Variants in DAW1 observed in about 807,000 individuals in gnomAD.
DAW1 encodes dynein assembly factor with WD repeats 1, also known as dynein assembly factor with WD repeat domains 1.
Under a neutral mutation model 56.5 loss-of-function variants are expected in DAW1, and 47 were observed. The ratio of observed to expected loss-of-function variants is 0.83; its 90% CI spans 0.66 to 1.06. The LOEUF is 1.06. Among genes scored for constraint, DAW1 ranks in the 50% least tolerant of loss-of-function variants. The pLI is 0.00. For synonymous variants in DAW1, 190 were observed against 179.0 expected (o/e 1.06, Z -0.49); for missense variants, 505 against 499.3 (o/e 1.01, Z -0.11).
intron 10 of DAW1, 121 bp downstream of exon 10, chr2:227,907,373 C>T: frequency 1.3e-6 from 1 of 746,026 alleles, no homozygotes; most frequent in Non-Finnish European, 2.2e-6. Context: ...AACCATGTCT[C>T]ATCTCTATCG....
chr2:227,914,534 C>T (rs1299933530), intron 10 of DAW1, among the ~76,000 whole-genome samples: 3 of 151,942 alleles, frequency 2.0e-5, no homozygotes, highest in African/African-American at 7.2e-5. Flanking sequence ...CTTTGGAAAC[C>T]ATGTATGATG....
chr2:227,924,027 T>A lies in DAW1; in HGVS notation c.*59T>A, dbSNP rs1194487826. The A allele has an allele frequency of 3.2e-6, 5 of 1,585,110 alleles. No homozygotes were observed. In the African/African-American group the frequency reaches 6.7e-5, roughly 21 times the overall value. ...GCAATGGTAATCAAGAACTGGAACT[T>A]CACAGACAGCAGCTCTCTTAATATT... On this transcript the variant is annotated 3_prime_UTR_variant, in exon 13 of 13. Transcript: ENST00000309931.
chr2:227,892,251 G>T (rs1691282707), intron 4 of DAW1, among the ~76,000 whole-genome samples: 1 of 152,000 alleles, frequency 6.6e-6, no homozygotes, highest in African/African-American at 2.4e-5. Context: ...TCCTGCCTCA[G>T]CCTCCTGAGT....
At chr2:227,889,242 A>G (rs1462496781) in intron 2 of DAW1, among the ~76,000 whole-genome samples, 1 of 152,206 alleles carries the variant, frequency 6.6e-6, no homozygotes, top group Non-Finnish European at 1.5e-5. Flanking sequence ...CCATAAAAAG[A>G]AAGACCTGAA....
intron 10 of DAW1, among the ~76,000 whole-genome samples, chr2:227,911,752 A>G (rs1470670246): frequency 1.3e-5 from 2 of 152,144 alleles, no homozygotes; most frequent in Non-Finnish European, 2.9e-5. Flanking sequence ...TGCCTTGATA[A>G]CCACATGTAC....
intron 7 of DAW1, 89 bp from the exon 8 acceptor site, chr2:227,904,840 C>T: frequency 1.6e-6 from 2 of 1,282,638 alleles, no homozygotes; most frequent in Non-Finnish European, 2.2e-6. Flanking sequence ...TCGGCCTTCT[C>T]CAGCATTTCC....
chr2:227,901,986 A>C (rs775004861), intron 6 of DAW1, among the ~76,000 whole-genome samples: 20 of 152,176 alleles, frequency 1.3e-4, no homozygotes, highest in Non-Finnish European at 2.9e-4. Context: ...AAGTAAGATC[A>C]GGAAGTTCCT....
At chr2:227,889,788 T>C in intron 2 of DAW1, 68 bp from the exon 3 acceptor site, 1 of 1,306,970 alleles carries the variant, frequency 7.7e-7, no homozygotes, top group Non-Finnish European at 1.0e-6. Flanking sequence ...AATCAATTCT[T>C]CATGTAATAT....
intron 10 of DAW1, chr2:227,912,582 G>C: frequency 1.7e-6 from 2 of 1,189,566 alleles, no homozygotes; most frequent in African/African-American, 3.2e-5. Flanking sequence ...CTTTGTGTTT[G>C]TCATCTCAGT....
intron 8 of DAW1, 131 bp downstream of exon 8, chr2:227,905,166 T>G (rs2059962231): frequency 1.8e-6 from 1 of 570,196 alleles, no homozygotes; most frequent in Admixed American, 3.7e-5. Context: ...ATATTGAAAA[T>G]GTAAATTAAT....
At chr2:227,922,949 C>T (rs1220480648) in intron 12 of DAW1, among the ~76,000 whole-genome samples, 1 of 152,194 alleles carries the variant, frequency 6.6e-6, no homozygotes, top group African/African-American at 2.4e-5. Flanking sequence ...ACCAGCCTTT[C>T]CTAGTCCACA....
At chr2:227,891,721 C>T (rs543959634) in intron 4 of DAW1, among the ~76,000 whole-genome samples, 3 of 152,138 alleles carry the variant, frequency 2.0e-5, no homozygotes, top group Admixed American at 6.6e-5. Flanking sequence ...TGGGAGCTGA[C>T]GTGCTAGGTA....
At chr2:227,918,190 TCCATCCATC>T (rs1692017908) in intron 10 of DAW1, among the ~76,000 whole-genome samples, 1 of 122,822 alleles carries the variant, frequency 8.1e-6, no homozygotes, top group Non-Finnish European at 1.8e-5. Flanking sequence ...CATCCATCCA[TCCATCCATC>T]CATCCATCCA....
intron 1 of DAW1, among the ~76,000 whole-genome samples, chr2:227,880,970 A>G (rs1297866576): frequency 6.6e-6 from 1 of 152,248 alleles, no homozygotes; most frequent in Non-Finnish European, 1.5e-5. Flanking sequence ...GACGAGAAGA[A>G]TCTGTAGACC....
At chr2:227,883,809 T>C (rs568130893) in intron 1 of DAW1, among the ~76,000 whole-genome samples, 9 of 152,328 alleles carry the variant, frequency 5.9e-5, no homozygotes, top group African/African-American at 1.7e-4. Context: ...ATATAGTTAT[T>C]TTTACAAAAA....
In DAW1 at chr2:227,889,544, C is replaced by T. The variant is rs182136736; in HGVS notation, c.114-312C>T. 4.3e-5 allele frequency: 8 copies of T among 186,544 alleles called. No individual in the cohort carries two copies. The East Asian group carries it at 5.3e-4, about 12-fold the overall frequency. 11.6% of individuals were successfully genotyped at this position (186,544 alleles called of 1,614,324 possible). On this transcript the variant is annotated intron_variant, in intron 2 of 12. Coordinates refer to ENST00000309931, the MANE Select transcript of DAW1 (RefSeq NM_178821.3). ...ACATGTTTCAGCATGAATTTTAGAG[C>T]GGACGCAAACATTCAAACCACAACA...
chr2:227,897,917 A>G (rs1204542864), intron 5 of DAW1, among the ~76,000 whole-genome samples: 1 of 152,098 alleles, frequency 6.6e-6, no homozygotes, highest in Non-Finnish European at 1.5e-5. Flanking sequence ...CTTTTGCTAC[A>G]TTCATTAAAC....
At chr2:227,917,130 ATCTATCTATCTATCTGTCTGTCTGTCTG>A (rs916733444) in intron 10 of DAW1, among the ~76,000 whole-genome samples, 5 of 143,528 alleles carry the variant, frequency 3.5e-5, no homozygotes, top group African/African-American at 1.4e-4. Context: ...CTATCTATCT[ATCTATCTATCTATCTGTCTGTCTGTCTG>A]TCTGTCTGTC....
intron 7 of DAW1, 82 bp downstream of exon 7, chr2:227,903,191 G>T: frequency 7.0e-7 from 1 of 1,438,344 alleles, no homozygotes; most frequent in Non-Finnish European, 9.6e-7. Context: ...CTAAGTTGGA[G>T]GTTGTTGAGT....
Sources: gnomAD v4.1 joint callset for allele counts (sites outside exome capture counted in the v4.1 genomes callset) on GRCh38, gnomAD v4.1.1 for gene constraint, MANE v1.5 for transcripts, NCBI Gene and HGNC (gene_info 2026-07-23, HGNC 2026-07-21) for gene names.